The following PTPRQ variants were observed in gnomAD, a reference collection of about 807,000 sequenced individuals.
The protein encoded by PTPRQ is protein tyrosine phosphatase receptor type Q.
In PTPRQ, 199 loss-of-function variants were observed where a neutral mutation model predicts 246.0. That is an observed-to-expected ratio of 0.81 (90% CI 0.72 to 0.91). The LOEUF is 0.91. PTPRQ is among the 40% of genes least tolerant of loss of function. The pLI, the probability that PTPRQ is intolerant of heterozygous loss-of-function variation, is 0.00. For missense variants in PTPRQ, 2,624 were observed against 2,528.4 expected (o/e 1.04, Z -0.81); for synonymous variants, 869 against 853.2 (o/e 1.02, Z -0.32).
At chr12:80,639,050 A>G (rs1899761401) in intron 35 of PTPRQ, among the ~76,000 whole-genome samples, 1 of 152,336 alleles carries the variant, frequency 6.6e-6, no homozygotes, top group Non-Finnish European at 1.5e-5. Context: ...AAGGTTTCTT[A>G]GAGCTCTTAT....
At chr12:80,495,943 C>T (rs1240639378) in intron 12 of PTPRQ, 56 bp from the exon 13 acceptor site, 12 of 1,513,850 alleles carry the variant, frequency 7.9e-6, no homozygotes, top group South Asian at 1.3e-5. Flanking sequence ...TAAATGGCAC[C>T]AATCCCAAGA....
At chr12:80,460,031 T>C (rs955493734) in intron 5 of PTPRQ, among the ~76,000 whole-genome samples, 1 of 152,212 alleles carries the variant, frequency 6.6e-6, no homozygotes, top group Non-Finnish European at 1.5e-5. Flanking sequence ...ATAGTAATGC[T>C]TTATTATAGA....
In PTPRQ at chr12:80,494,965, G is replaced by A; in HGVS notation, c.1573G>A (p.Ala525Thr). ...TTRNQYITDI[A>T]AEQLSYVIRR... is the part of the protein sequence containing the mutation. ...AAGGAATCAGTATATTACTGACATT[G>A]CAGCTGAACAGCTGTCTTATGTTAT... is the stretch of plus-strand genomic sequence containing the variant. The change falls in exon 11 of 45, where the codon GCA (alanine) becomes ACA (threonine). Residue 525 changes from alanine to threonine, a missense_variant. By Grantham distance (58) the Ala-to-Thr change is moderately conservative. Transcript: ENST00000644991. 6.5e-7 allele frequency: 1 copy of A among 1,549,724 alleles called. No individual in the cohort carries two copies. Among genetic ancestry groups the A allele is most frequent in the Non-Finnish European group, 8.7e-7 (1 of 1,145,838 alleles).
chr12:80,546,055 C>T (rs903387510), intron 23 of PTPRQ, among the ~76,000 whole-genome samples: 21 of 152,188 alleles, frequency 1.4e-4, no homozygotes, highest in Admixed American at 6.5e-5. Flanking sequence ...CAGTGGCTCA[C>T]GCCTGTAATC....
At chr12:80,609,592 A>G (rs141494155) in intron 27 of PTPRQ, among the ~76,000 whole-genome samples, 21 of 150,750 alleles carry the variant, frequency 1.4e-4, no homozygotes, top group African/African-American at 5.1e-4. Flanking sequence ...TAAAGGACAG[A>G]CTATGTTTGA....
intron 8 of PTPRQ, among the ~76,000 whole-genome samples, chr12:80,479,399 C>A (rs1187965530): frequency 1.3e-5 from 2 of 152,032 alleles, no homozygotes; most frequent in African/African-American, 4.8e-5. Context: ...AAAGGAACAA[C>A]TGGTACCAGC....
chr12:80,652,947 T>G, intron 38 of PTPRQ, 113 bp downstream of exon 38: 1 of 1,161,658 alleles, frequency 8.6e-7, no homozygotes, highest in Non-Finnish European at 1.1e-6. Context: ...ATTATAATAA[T>G]GTATTTTATT....
intron 17 of PTPRQ, among the ~76,000 whole-genome samples, chr12:80,521,378 T>A (rs574541692): frequency 2.0e-5 from 3 of 152,214 alleles, no homozygotes; most frequent in Non-Finnish European, 4.4e-5. Context: ...TAGATCCCAT[T>A]TGTCAATTTT....
intron 35 of PTPRQ, among the ~76,000 whole-genome samples, chr12:80,643,526 T>C (rs1899965705): frequency 6.6e-6 from 1 of 151,962 alleles, no homozygotes; most frequent in African/African-American, 2.4e-5. Flanking sequence ...GGACCAACCA[T>C]GGGTTAGGAT....
At chr12:80,631,366 T>A (rs1179792864) in intron 33 of PTPRQ, among the ~76,000 whole-genome samples, 1 of 151,700 alleles carries the variant, frequency 6.6e-6, no homozygotes, top group East Asian at 1.9e-4. Context: ...GATAAAAGTT[T>A]AAAAAAAAAT....
At chr12:80,632,440 A>G in intron 34 of PTPRQ, 149 bp downstream of exon 34, 3 of 1,188,776 alleles carry the variant, frequency 2.5e-6, no homozygotes, top group Non-Finnish European at 3.5e-6. Context: ...ATCATGTACA[A>G]TATGATACTT....
At chr12:80,662,623 C>T (rs539957641) in intron 39 of PTPRQ, among the ~76,000 whole-genome samples, 21 of 152,068 alleles carry the variant, frequency 1.4e-4, no homozygotes, top group African/African-American at 4.8e-4. Flanking sequence ...TTAATAAATA[C>T]ATGTTATTTT....
chr12:80,543,715 A>T (rs1247299074), intron 23 of PTPRQ, among the ~76,000 whole-genome samples: 5 of 152,134 alleles, frequency 3.3e-5, no homozygotes, highest in Non-Finnish European at 7.4e-5. Flanking sequence ...AAAAGCAGGC[A>T]TTAACTTTAT....
Position 80,496,417 on chromosome 12 carries a change from A to T in PTPRQ, c.2158A>T (p.Ile720Leu), listed in dbSNP as rs1338061821. ...YMKNTSTTDI[I>L]LRNLRPHTLY... ...GAAGAACACATCAACAACAGACATA[A>T]TATTAAGGAACTTAAGACCTCACAC... Residue 720 changes from isoleucine to leucine, a missense_variant, in exon 14 of 45, where the codon ATA (isoleucine) becomes TTA (leucine). By Grantham distance (5) the Ile-to-Leu change is conservative. Coordinates refer to ENST00000644991, the MANE Select transcript of PTPRQ (RefSeq NM_001145026.2). 2 of 1,550,856 alleles carry T rather than the reference A, an allele frequency of 1.3e-6. No homozygotes were observed. The highest frequency in any genetic ancestry group is 1.2e-5 in the South Asian group (1 of 83,990).
intron 25 of PTPRQ, among the ~76,000 whole-genome samples, chr12:80,557,336 CT>C (rs1453996612): frequency 2.6e-5 from 4 of 151,896 alleles, no homozygotes; most frequent in African/African-American, 9.7e-5. Context: ...TTACTTTTCT[CT>C]TTTGGATATA....
chr12:80,623,848 G>A (rs184061070), intron 33 of PTPRQ, among the ~76,000 whole-genome samples: 617 of 152,200 alleles, frequency 4.1e-3, no homozygotes, highest in Admixed American at 7.5e-3. Flanking sequence ...CTATAAAAGG[G>A]GGGGAGCGCC....
At chr12:80,657,078 T>C (rs1208218625) in intron 38 of PTPRQ, among the ~76,000 whole-genome samples, 1 of 151,868 alleles carries the variant, frequency 6.6e-6, no homozygotes, top group Non-Finnish European at 1.5e-5. Flanking sequence ...GCAAAATTGA[T>C]AGACAAATTC....
At chr12:80,512,721 C>T (rs953664936) in intron 17 of PTPRQ, 1 of 152,088 alleles carries the variant, frequency 6.6e-6, no homozygotes, top group East Asian at 1.9e-4. Context: ...GGGTTTAATT[C>T]GGTCTCTTTT....
At chr12:80,604,829 G>C (rs1218034844) in intron 26 of PTPRQ, among the ~76,000 whole-genome samples, 1 of 151,378 alleles carries the variant, frequency 6.6e-6, no homozygotes, top group Admixed American at 6.6e-5. Context: ...ATGAACTTAT[G>C]ATTTTAATTA....
Sources: allele counts gnomAD v4.1 joint callset (sites outside exome capture counted in the v4.1 genomes callset), GRCh38; gene constraint gnomAD v4.1.1; transcripts MANE v1.5; gene names NCBI Gene and HGNC (gene_info 2026-07-23, HGNC 2026-07-21).